DNAH7: variants seen among roughly 807,000 people sequenced by gnomAD.
DNAH7 encodes the protein axonemal beta dynein heavy chain 7.
Under a neutral mutation model 444.6 loss-of-function variants are expected in DNAH7, and 397 were observed. The observed-to-expected ratio is 0.89, with a 90% CI of 0.82 to 0.97. The LOEUF (loss-of-function observed/expected upper bound fraction) is 0.97, where lower values mean the gene tolerates loss of function less well. DNAH7 is among the 50% of genes least tolerant of loss of function. The pLI is 0.00. For synonymous variants in DNAH7, 1,636 were observed against 1,624.4 expected (o/e 1.01, Z -0.17); for missense variants, 4,902 against 4,800.8 (o/e 1.02, Z -0.62).
Position 195,881,894 on chromosome 2 carries a change from G to GCCC in DNAH7, c.5861_5862insGGG (p.Asp1954delinsGluGly), listed in dbSNP as rs1314632430. 1 of 1,613,936 alleles carries GCCC rather than the reference G, an allele frequency of 6.2e-7. No homozygotes were observed. On this transcript the variant is annotated protein_altering_variant, in exon 36 of 65. Coordinates refer to ENST00000312428, the MANE Select transcript of DNAH7 (RefSeq NM_018897.3). ...CCATTAATGCAGAGTATCGAATTGT[G>GCCC]TCCAGAGTTGGCACAATGATTTCAT...
rs768472535 is a variant in DNAH7, at chr2:195,864,583, C to T, written c.7072G>A (p.Ala2358Thr). ...TCAACTTGGAAAACTGAATAATCAG[C>T]CATGTGGGCAGCTAATCTGGTGACA... The part of the protein sequence containing the change: ...QSVTRLAAHM[A>T]DYSVFQVEIS... Residue 2358 changes from alanine to threonine, a missense_variant, in exon 41 of 65, where the codon GCT becomes ACT. By Grantham distance (58) the Ala-to-Thr change is moderately conservative (BLOSUM62 0). Transcript: ENST00000312428. 2 of 1,614,162 alleles carry T rather than the reference C, an allele frequency of 1.2e-6. No individual in the cohort carries two copies. The highest frequency in any genetic ancestry group is 1.6e-4 in the Middle Eastern group (1 of 6,062).
intron 61 of DNAH7, among the ~76,000 whole-genome samples, chr2:195,769,283 G>A (rs887316416): frequency 6.6e-6 from 1 of 151,528 alleles, no homozygotes; most frequent in African/African-American, 2.4e-5. Flanking sequence ...AGGTGGTCTC[G>A]AATTCCTGGG....
intron 61 of DNAH7, among the ~76,000 whole-genome samples, chr2:195,765,497 C>G (rs888228477): frequency 6.6e-6 from 1 of 152,030 alleles, no homozygotes; most frequent in Admixed American, 6.6e-5. Context: ...GATTAAGAAC[C>G]AGAATATATA....
chr2:195,846,336 T>C (rs1333625572), intron 46 of DNAH7, among the ~76,000 whole-genome samples: 3 of 152,132 alleles, frequency 2.0e-5, no homozygotes, highest in Non-Finnish European at 4.4e-5. Flanking sequence ...TCAGAATGGC[T>C]TTTGTTAAAA....
rs1264704091 is a variant in DNAH7, at chr2:195,936,805, A to G, written c.3079-13T>C. 2 of 1,489,252 alleles carry G rather than the reference A, an allele frequency of 1.3e-6. No individual in the cohort carries two copies. The allele number at this position is 1,489,252 out of a possible 1,614,324, so 92.3% of individuals were successfully genotyped here. ...GAACATGTTTATCCTAAAAATAAAAATAAAAAACACTCAATTCAAAAATAT... is the reference window on the plus strand; with the variant it reads ...GAACATGTTTATCCTAAAAATAAAAGTAAAAAACACTCAATTCAAAAATAT... On this transcript the variant is annotated splice_polypyrimidine_tract_variant and intron_variant, in intron 19 of 64. Transcript: ENST00000312428.
At position 195,873,659 on chromosome 2, in the gene DNAH7, G is replaced by T; in HGVS notation, c.6322C>A (p.Arg2108=). ...GRNPVTPRYM[R]HFNIITINEF... ...TTGATTGTTATAATATTGAAATGTC[G>T]CATGTATCGAGGAGTTACTGGATTT... The change falls in exon 39 of 65, where the codon CGA becomes AGA. Residue 2108 remains arginine (R), a synonymous_variant. Transcript: ENST00000312428. The T allele has an allele frequency of 6.5e-7, 1 of 1,531,666 alleles. No homozygotes were observed. Among genetic ancestry groups the T allele is most frequent in the Non-Finnish European group, 8.7e-7 (1 of 1,145,826 alleles). 94.9% of individuals were successfully genotyped at this position (1,531,666 alleles called of 1,614,324 possible).
chr2:195,948,690 T>G (rs768965203), intron 19 of DNAH7, among the ~76,000 whole-genome samples: 1 of 152,266 alleles, frequency 6.6e-6, no homozygotes, highest in African/African-American at 2.4e-5. Context: ...TTTCGGTTAC[T>G]GTAGCCTTGT....
chr2:196,022,383 T>C (rs1695436763), intron 8 of DNAH7, among the ~76,000 whole-genome samples: 1 of 152,238 alleles, frequency 6.6e-6, no homozygotes, highest in Admixed American at 6.5e-5. Flanking sequence ...AACTAGAACT[T>C]CTTTCAAAAT....
intron 33 of DNAH7, 83 bp from the exon 34 acceptor site, chr2:195,886,355 A>G: frequency 7.8e-7 from 1 of 1,288,756 alleles, no homozygotes; most frequent in Non-Finnish European, 1.1e-6. Context: ...TATTAAGCTC[A>G]TTTAATTTTA....
intron 5 of DNAH7, among the ~76,000 whole-genome samples, chr2:196,046,825 G>A (rs553920543): frequency 3.3e-5 from 5 of 152,258 alleles, no homozygotes; most frequent in African/African-American, 7.2e-5. Flanking sequence ...GAATCATAAC[G>A]AAACTAAAGA....
chr2:195,967,032 TTTCC>T (rs1276620067), intron 17 of DNAH7, among the ~76,000 whole-genome samples: 7 of 152,316 alleles, frequency 4.6e-5, no homozygotes, highest in South Asian at 2.1e-4. Flanking sequence ...CTTCTCTTGC[TTTCC>T]TTCCTTCCTA....
chr2:195,747,267 A>T (rs900517494), intron 63 of DNAH7, among the ~76,000 whole-genome samples: 3 of 152,200 alleles, frequency 2.0e-5, no homozygotes, highest in Non-Finnish European at 4.4e-5. Flanking sequence ...GATAAATTCC[A>T]CAACACATAT....
intron 64 of DNAH7, among the ~76,000 whole-genome samples, chr2:195,739,478 C>T (rs1284972201): frequency 6.6e-6 from 1 of 152,214 alleles, no homozygotes; most frequent in Non-Finnish European, 1.5e-5. Flanking sequence ...GCCATTTTCT[C>T]ATGATGCAGT....
intron 55 of DNAH7, among the ~76,000 whole-genome samples, chr2:195,797,438 G>A (rs908938515): frequency 7.2e-5 from 11 of 152,148 alleles, no homozygotes; most frequent in Non-Finnish European, 1.3e-4. Context: ...GCTGGATCCT[G>A]CTGTTTCTGG....
At chr2:196,058,191 C>T (rs1324238191) in intron 1 of DNAH7, 75 bp from the exon 2 acceptor site, 1 of 1,212,134 alleles carries the variant, frequency 8.2e-7, no homozygotes, top group Non-Finnish European at 1.2e-6. Context: ...CCAAATTTTA[C>T]AGTGTTTATT....
chr2:195,745,961 T>C lies in DNAH7; in HGVS notation c.11765-5092A>G, dbSNP rs777283018. Among the ~76,000 whole-genome samples the C allele has an allele frequency of 1.8e-4, 28 of 152,186 alleles. No individual in the cohort carries two copies. In the Middle Eastern group the frequency reaches 0.017, roughly 92 times the overall value. On this transcript the variant is annotated intron_variant, in intron 63 of 64. Coordinates refer to ENST00000312428, the MANE Select transcript of DNAH7 (RefSeq NM_018897.3). ...ATCAACTAACGAGCAAAATAACCAGTTAACATCATAATGACACAATCAAAT... is the reference window on the plus strand; with the variant it reads ...ATCAACTAACGAGCAAAATAACCAGCTAACATCATAATGACACAATCAAAT...
chr2:195,990,862 C>CAT (rs1243962571), intron 12 of DNAH7, among the ~76,000 whole-genome samples: 2 of 124,932 alleles, frequency 1.6e-5, no homozygotes, highest in Non-Finnish European at 3.3e-5. Flanking sequence ...AATATATATA[C>CAT]ATATATACTT....
intron 57 of DNAH7, among the ~76,000 whole-genome samples, chr2:195,787,586 G>C (rs1695685120): frequency 6.6e-6 from 1 of 152,182 alleles, no homozygotes; most frequent in Admixed American, 6.5e-5. Flanking sequence ...AGGAGAATAG[G>C]AAACAAGGAA....
In DNAH7 at chr2:195,738,021, T is replaced by C. The variant is rs1692746535; in HGVS notation, c.11975A>G (p.His3992Arg). Residue 3992 changes from histidine to arginine, a missense_variant, in exon 65 of 65, where the codon CAT becomes CGT. Coordinates refer to ENST00000312428, the MANE Select transcript of DNAH7 (RefSeq NM_018897.3). ...ERRGVLSTTG[H>R]STNFVIAMTL... The stretch of plus-strand genomic sequence containing the variant: ...CATGGCAATCACAAAATTCGTGGAA[T>C]GGCCAGTGGTGGATAATACTCCTCT... The C allele has an allele frequency of 6.2e-7, 1 of 1,614,102 alleles. No homozygotes were observed. The highest frequency in any genetic ancestry group is 8.5e-7 in the Non-Finnish European group (1 of 1,179,956).
Sources: gnomAD v4.1 joint callset for allele counts (sites outside exome capture counted in the v4.1 genomes callset) on GRCh38, gnomAD v4.1.1 for gene constraint, MANE v1.5 for transcripts, NCBI Gene and HGNC (gene_info 2026-07-23, HGNC 2026-07-21) for gene names.